Variants in GABRG1 observed in about 807,000 individuals in gnomAD.
GABRG1 encodes the protein gamma-aminobutyric acid type A receptor subunit gamma1.
In GABRG1, 49 loss-of-function variants were observed where a neutral mutation model predicts 49.8. That is an observed-to-expected ratio of 0.98 (90% CI 0.78 to 1.25). The LOEUF (loss-of-function observed/expected upper bound fraction) is 1.25. Ranked by LOEUF, GABRG1 falls within the 50% of genes most tolerant of loss-of-function variation. GABRG1 has a pLI of 0.00. For missense variants in GABRG1, 552 were observed against 552.3 expected, an observed-to-expected ratio of 1.00 and a Z score of 0.01; for synonymous variants, 232 against 185.1, an observed-to-expected ratio of 1.25 and a Z score of -2.06.
chr4:46,106,236 T>G (rs546449797), intron 1 of GABRG1, among the ~76,000 whole-genome samples: 1 of 151,564 alleles, frequency 6.6e-6, no homozygotes, highest in Non-Finnish European at 1.5e-5. Context: ...TAATTTGTAG[T>G]GCAGCCCGTT....
At chr4:46,067,504 A>T (rs1718961168) in intron 3 of GABRG1, among the ~76,000 whole-genome samples, 1 of 152,100 alleles carries the variant, frequency 6.6e-6, no homozygotes, top group African/African-American at 2.4e-5. Context: ...ATTGTTTTGA[A>T]TGGATTTAAA....
intron 8 of GABRG1, among the ~76,000 whole-genome samples, chr4:46,044,327 G>T (rs1221133852): frequency 6.6e-6 from 1 of 151,736 alleles, no homozygotes; most frequent in South Asian, 2.1e-4. Flanking sequence ...GGAAACAAAA[G>T]AAATTTATCT....
At chr4:46,123,690 C>T (rs1043942201) in intron 1 of GABRG1, 120 bp downstream of exon 1, 6 of 664,832 alleles carry the variant, frequency 9.0e-6, no homozygotes, top group Non-Finnish European at 1.1e-5. Flanking sequence ...TGGTAAATAC[C>T]ACATATGTGT....
At chr4:46,093,482 G>A (rs750797730) in intron 2 of GABRG1, among the ~76,000 whole-genome samples, 1 of 151,996 alleles carries the variant, frequency 6.6e-6, no homozygotes, top group Non-Finnish European at 1.5e-5. Flanking sequence ...GATGGTTAAT[G>A]TGTATGCAAA....
intron 1 of GABRG1, among the ~76,000 whole-genome samples, chr4:46,116,776 G>A (rs1173770732): frequency 1.3e-5 from 2 of 150,760 alleles, no homozygotes; most frequent in Non-Finnish European, 3.0e-5. Context: ...AGAAATTCCA[G>A]AGACAAATAT....
intron 5 of GABRG1, among the ~76,000 whole-genome samples, chr4:46,059,235 G>C (rs1718574641): frequency 6.6e-6 from 1 of 152,086 alleles, no homozygotes; most frequent in African/African-American, 2.4e-5. Context: ...CATTGCTCTA[G>C]TAACATTATT....
At chr4:46,067,052 A>G (rs779362492) in intron 3 of GABRG1, among the ~76,000 whole-genome samples, 16 of 151,890 alleles carry the variant, frequency 1.1e-4, no homozygotes, top group Non-Finnish European at 1.8e-4. Context: ...AATTTTCCTG[A>G]AGGAAAATAT....
intron 1 of GABRG1, among the ~76,000 whole-genome samples, chr4:46,122,857 A>G (rs1242619373): frequency 6.6e-6 from 1 of 152,104 alleles, no homozygotes; most frequent in Non-Finnish European, 1.5e-5. Context: ...AACAAGTTGC[A>G]TGGTATGAGT....
At chr4:46,082,985 T>C (rs1248177810) in intron 3 of GABRG1, among the ~76,000 whole-genome samples, 2 of 151,682 alleles carry the variant, frequency 1.3e-5, no homozygotes, top group Non-Finnish European at 3.0e-5. Flanking sequence ...TCTACATCTA[T>C]ATTTTGTCCT....
At chr4:46,074,747 T>G (rs181194369) in intron 3 of GABRG1, among the ~76,000 whole-genome samples, 1 of 152,088 alleles carries the variant, frequency 6.6e-6, no homozygotes, top group Non-Finnish European at 1.5e-5. Context: ...GATATAAAAA[T>G]AACACATTGA....
chr4:46,123,530 C>A (rs1422498906), intron 1 of GABRG1, among the ~76,000 whole-genome samples: 1 of 151,994 alleles, frequency 6.6e-6, no homozygotes, highest in African/African-American at 2.4e-5. Context: ...CCCCTCACTC[C>A]CTCCCAGTAA....
chr4:46,046,975 T>C (rs577864550), intron 8 of GABRG1, among the ~76,000 whole-genome samples: 33 of 152,218 alleles, frequency 2.2e-4, no homozygotes, highest in African/African-American at 7.9e-4. Flanking sequence ...ACCACTCTTC[T>C]ATCCTCAACA....
In GABRG1 at chr4:46,123,311, T is replaced by G. The variant is rs946556468; in HGVS notation, c.104+499A>C. On this transcript the variant is annotated intron_variant, in intron 1 of 8. Coordinates refer to ENST00000295452, the MANE Select transcript of GABRG1 (RefSeq NM_173536.4). ...TTGTTTTTAGCCAGATTTACAATAT[T>G]TCTTGATGTAAAACACTGGTTTGTT... Among the ~76,000 whole-genome samples the G allele has an allele frequency of 3.3e-5, 5 of 152,204 alleles. No individual in the cohort carries two copies. In the South Asian group the frequency reaches 1.0e-3, roughly 32 times the overall value.
chr4:46,123,123 C>T (rs1187382828), intron 1 of GABRG1, among the ~76,000 whole-genome samples: 4 of 151,118 alleles, frequency 2.6e-5, no homozygotes, highest in Non-Finnish European at 4.4e-5. Context: ...CACACACACA[C>T]ACACACACAC....
intron 8 of GABRG1, among the ~76,000 whole-genome samples, chr4:46,042,678 C>A (rs1337131840): frequency 9.9e-5 from 15 of 151,938 alleles, no homozygotes; most frequent in Non-Finnish European, 1.9e-4. Flanking sequence ...TATTCATGTC[C>A]ATTTTAGTTC....
intron 7 of GABRG1, among the ~76,000 whole-genome samples, chr4:46,053,601 C>T (rs1718321060): frequency 6.6e-6 from 1 of 151,918 alleles, no homozygotes; most frequent in South Asian, 2.1e-4. Context: ...CACATTGTTC[C>T]CATCGTCAGC....
chr4:46,045,324 C>T (rs191070052), intron 8 of GABRG1, among the ~76,000 whole-genome samples: 32 of 151,978 alleles, frequency 2.1e-4, no homozygotes, highest in Admixed American at 6.6e-4. Flanking sequence ...AAAATGAAAT[C>T]TTGAAAAAAC....
intron 5 of GABRG1, among the ~76,000 whole-genome samples, chr4:46,060,466 A>G (rs1233972582): frequency 1.3e-5 from 2 of 152,126 alleles, no homozygotes; most frequent in African/African-American, 4.8e-5. Context: ...TCTGGTTTAC[A>G]GTTTTCATGT....
chr4:46,048,625 A>C (rs2109395469), intron 8 of GABRG1, among the ~76,000 whole-genome samples: 1 of 149,750 alleles, frequency 6.7e-6, no homozygotes, highest in South Asian at 2.1e-4. Flanking sequence ...AGGGAAGGGA[A>C]GCGAAGGGAA....
Sources: gnomAD v4.1 joint callset for allele counts (sites outside exome capture counted in the v4.1 genomes callset) on GRCh38, gnomAD v4.1.1 for gene constraint, MANE v1.5 for transcripts, NCBI Gene and HGNC (gene_info 2026-07-23, HGNC 2026-07-21) for gene names.